The following BNC2 variants were observed in gnomAD, a reference collection of about 807,000 sequenced individuals.
BNC2 encodes basonuclin zinc finger protein 2.
Under a neutral mutation model 76.3 loss-of-function variants are expected in BNC2, and 20 were observed. The ratio of observed to expected loss-of-function variants is 0.26; its 90% confidence interval spans 0.18 to 0.38. The LOEUF (loss-of-function observed/expected upper bound fraction) is 0.38, where lower values mean the gene tolerates loss of function less well. BNC2 is among the 10% of genes least tolerant of loss of function. The probability of loss-of-function intolerance (pLI) is 1.00; values close to 1 mark genes in which losing one functional copy is unlikely to be tolerated. For synonymous variants in BNC2, 582 were observed against 514.8 expected (o/e 1.13, Z -1.77); for missense variants, 1,382 against 1,399.8 (o/e 0.99, Z 0.20).
At chr9:16,798,920 A>G (rs1817719147) in intron 1 of BNC2, among the ~76,000 whole-genome samples, 1 of 152,162 alleles carries the variant, frequency 6.6e-6, no homozygotes, top group Non-Finnish European at 1.5e-5. Context: ...GGTCACCAGC[A>G]AACCCCATGG....
chr9:16,635,657 C>T (rs768382300), intron 3 of BNC2, among the ~76,000 whole-genome samples: 7 of 152,170 alleles, frequency 4.6e-5, no homozygotes, highest in African/African-American at 7.2e-5. Context: ...CAAAATTGGA[C>T]AGACAATTCT....
intron 3 of BNC2, chr9:16,727,590 C>CTTTTTT: frequency 3.5e-6 from 2 of 572,740 alleles, no homozygotes; most frequent in African/African-American, 1.9e-5. Context: ...ATCCTTTCCC[C>CTTTTTT]TTTTTCTTTT....
intron 1 of BNC2, among the ~76,000 whole-genome samples, chr9:16,739,208 T>C (rs904414355): frequency 6.6e-6 from 1 of 152,176 alleles, no homozygotes; most frequent in Non-Finnish European, 1.5e-5. Flanking sequence ...TATACTCCAC[T>C]ACAAAGAGTT....
rs377031038 is a variant in BNC2, at chr9:16,525,015, G to A, written c.669+27515C>T. 5.4e-4 allele frequency among the ~76,000 whole-genome samples: 81 copies of A among 150,226 alleles called. 3 individuals carry two copies. The South Asian group carries it at 0.017, about 32-fold the overall frequency. On this transcript the variant is annotated intron_variant, in intron 5 of 6. Coordinates refer to ENST00000380672, the MANE Select transcript of BNC2 (RefSeq NM_017637.6). ...TTGAGCCTGAAAGGTCAAAGCTGCAGTGAGCTGTGATAGCGCCACTGCACT... is the reference window on the plus strand; with the variant it reads ...TTGAGCCTGAAAGGTCAAAGCTGCAATGAGCTGTGATAGCGCCACTGCACT...
intron 5 of BNC2, among the ~76,000 whole-genome samples, chr9:16,515,512 G>C (rs76575489): frequency 6.6e-6 from 1 of 152,176 alleles, no homozygotes; most frequent in East Asian, 1.9e-4. Context: ...CCCTCTGGCT[G>C]TCTGTTTAGT....
chr9:16,507,418 C>T (rs1423844962), intron 5 of BNC2, among the ~76,000 whole-genome samples: 1 of 152,034 alleles, frequency 6.6e-6, no homozygotes, highest in Non-Finnish European at 1.5e-5. Context: ...TGCCCCCACA[C>T]CTAGCTCATT....
At chr9:16,797,154 T>C (rs1024846870) in intron 1 of BNC2, among the ~76,000 whole-genome samples, 60 of 152,128 alleles carry the variant, frequency 3.9e-4, no homozygotes, top group African/African-American at 1.3e-3. Context: ...ATATAGATTT[T>C]TTTTTACTTA....
chr9:16,842,958 G>C (rs749968305), intron 1 of BNC2, among the ~76,000 whole-genome samples: 2 of 152,042 alleles, frequency 1.3e-5, no homozygotes, highest in African/African-American at 4.8e-5. Context: ...CGCCATGTTG[G>C]CCAGGCTGGA....
At chr9:16,802,790 G>A (rs112861883) in intron 1 of BNC2, among the ~76,000 whole-genome samples, 5,055 of 152,270 alleles carry the variant, frequency 0.033, 241 homozygotes, top group African/African-American at 0.097. Context: ...ATTCTGCTGG[G>A]ACCAGAGAAT....
At chr9:16,539,189 G>A (rs1428108499) in intron 5 of BNC2, among the ~76,000 whole-genome samples, 1 of 152,010 alleles carries the variant, frequency 6.6e-6, no homozygotes, top group Non-Finnish European at 1.5e-5. Context: ...TCAAAACAGG[G>A]GGAAAAAAAC....
intron 1 of BNC2, among the ~76,000 whole-genome samples, chr9:16,811,552 C>CAAAAAAAAAAAAAAAAAAAAAAAAA: frequency 1.7e-5 from 1 of 58,040 alleles, no homozygotes; most frequent in Non-Finnish European, 2.8e-5. Context: ...AACTCCATCT[C>CAAAAAAAAAAAAAAAAAAAAAAAAA]AAAAAAAAAA....
intron 5 of BNC2, among the ~76,000 whole-genome samples, chr9:16,540,324 T>C (rs1386391076): frequency 6.6e-6 from 1 of 152,110 alleles, no homozygotes; most frequent in African/African-American, 2.4e-5. Context: ...TCCACTTGTG[T>C]ATTGAAAAGA....
rs1286087025 is a variant in BNC2 at position 16,415,237 on chromosome 9, A to G, written c.*3752T>C. Reference sequence around the variant, plus strand: ...AAAGAATGCCAAGGATTTTTATCACACTTTTAAACCAAATTCCTCATTATC... The same window carrying G: ...AAAGAATGCCAAGGATTTTTATCACGCTTTTAAACCAAATTCCTCATTATC... On this transcript the variant is annotated 3_prime_UTR_variant, in exon 7 of 7. Transcript: ENST00000380672. 1 of 152,538 alleles carries G rather than the reference A, an allele frequency of 6.6e-6. No individual in the cohort carries two copies. Among genetic ancestry groups the G allele is most frequent in the Non-Finnish European group, 1.5e-5 (1 of 68,036 alleles). The allele number at this position is 152,538 out of a possible 1,614,324, so 9.4% of individuals were successfully genotyped here. A position where few individuals can be genotyped will look rare whatever the true frequency, so the allele number is the denominator to read the frequency against.
intron 5 of BNC2, among the ~76,000 whole-genome samples, chr9:16,470,020 T>C (rs1187914041): frequency 7.5e-6 from 1 of 133,668 alleles, no homozygotes; most frequent in Non-Finnish European, 1.5e-5. Context: ...TTTTTTGAGA[T>C]GGAGTCCCGC....
chr9:16,830,151 A>G (rs1334062692), intron 1 of BNC2, among the ~76,000 whole-genome samples: 1 of 152,262 alleles, frequency 6.6e-6, no homozygotes, highest in Non-Finnish European at 1.5e-5. Context: ...CCACACAATT[A>G]TATTTCAATA....
At chr9:16,609,376 C>T (rs941150431) in intron 3 of BNC2, among the ~76,000 whole-genome samples, 6 of 152,082 alleles carry the variant, frequency 3.9e-5, no homozygotes, top group East Asian at 1.9e-4. Context: ...AGAGAAGGCG[C>T]ACCAACCTAG....
chr9:16,494,477 A>G (rs1253883595), intron 5 of BNC2, among the ~76,000 whole-genome samples: 2 of 152,068 alleles, frequency 1.3e-5, no homozygotes, highest in African/African-American at 4.8e-5. Context: ...GGAAGAAAAG[A>G]CAAAGTGGAG....
chr9:16,479,062 G>A (rs532642454), intron 5 of BNC2, among the ~76,000 whole-genome samples: 82 of 152,214 alleles, frequency 5.4e-4, no homozygotes, highest in African/African-American at 1.9e-3. Context: ...GACCAGCCTG[G>A]TCAACATGGT....
intron 1 of BNC2, among the ~76,000 whole-genome samples, chr9:16,784,813 C>T (rs1826240253): frequency 6.6e-6 from 1 of 152,168 alleles, no homozygotes; most frequent in South Asian, 2.1e-4. Context: ...ACTCCCCTGC[C>T]CTCCAACTGC....
Sources: allele counts gnomAD v4.1 joint callset (sites outside exome capture counted in the v4.1 genomes callset), GRCh38; gene constraint gnomAD v4.1.1; transcripts MANE v1.5; gene names NCBI Gene and HGNC (gene_info 2026-07-23, HGNC 2026-07-21).